The following MACROD2 variants were observed in gnomAD, a reference collection of about 807,000 sequenced individuals.
The protein encoded by MACROD2 is mono-ADP ribosylhydrolase 2, also known as ADP-ribose glycohydrolase MACROD2.
A neutral mutation model predicts 70.4 loss-of-function variants in MACROD2; 36 were observed. The observed-to-expected ratio is 0.51, with a 90% CI of 0.39 to 0.68. MACROD2 has a LOEUF of 0.68. Ranked by LOEUF, MACROD2 falls within the 30% of genes least tolerant of loss-of-function variation. The probability of loss-of-function intolerance (pLI) is 0.00; values close to 1 mark genes in which losing one functional copy is unlikely to be tolerated. For missense variants in MACROD2, 496 were observed against 538.4 expected (o/e 0.92, Z 0.78); for synonymous variants, 172 against 178.8 (o/e 0.96, Z 0.30).
At chr20:14,241,470 A>G (rs770456208) in intron 3 of MACROD2, among the ~76,000 whole-genome samples, 36 of 152,288 alleles carry the variant, frequency 2.4e-4, no homozygotes, top group Non-Finnish European at 4.1e-4. Flanking sequence ...ATAGGCACAT[A>G]ACAGACATGG....
intron 4 of MACROD2, among the ~76,000 whole-genome samples, chr20:14,541,297 G>T (rs1195547019): frequency 6.6e-6 from 1 of 151,974 alleles, no homozygotes; most frequent in African/African-American, 2.4e-5. Flanking sequence ...ATTTGGTCTG[G>T]CAAGTTCTGT....
At chr20:14,825,357 A>G (rs1743114353) in intron 5 of MACROD2, among the ~76,000 whole-genome samples, 1 of 152,118 alleles carries the variant, frequency 6.6e-6, no homozygotes, top group African/African-American at 2.4e-5. Flanking sequence ...AAACCTGACC[A>G]GTGACAACAG....
At chr20:14,991,445 C>T (rs2074903132) in intron 5 of MACROD2, among the ~76,000 whole-genome samples, 1 of 152,068 alleles carries the variant, frequency 6.6e-6, no homozygotes, top group South Asian at 2.1e-4. Flanking sequence ...ATCCTTAGCC[C>T]TTCATTTTCA....
At chr20:15,400,956 G>T (rs1039426255) in intron 6 of MACROD2, among the ~76,000 whole-genome samples, 1 of 152,096 alleles carries the variant, frequency 6.6e-6, no homozygotes, top group African/African-American at 2.4e-5. Flanking sequence ...ATCTACTTGT[G>T]TCCCCTTTGT....
chr20:15,850,276 G>A (rs1309206471), intron 8 of MACROD2, among the ~76,000 whole-genome samples: 1 of 152,146 alleles, frequency 6.6e-6, no homozygotes, highest in Non-Finnish European at 1.5e-5. Context: ...CCCCAAGGGT[G>A]ATCGAACAGG....
intron 3 of MACROD2, among the ~76,000 whole-genome samples, chr20:14,420,871 TG>T (rs2083868540): frequency 6.6e-6 from 1 of 152,122 alleles, no homozygotes; most frequent in African/African-American, 2.4e-5. Context: ...TTTAATTTTT[TG>T]TGTAGAGGTG....
intron 5 of MACROD2, among the ~76,000 whole-genome samples, chr20:14,819,836 T>C (rs1303348803): frequency 2.0e-5 from 3 of 151,800 alleles, no homozygotes; most frequent in Admixed American, 2.0e-4. Flanking sequence ...GGACATTGAG[T>C]TCAGGAGGGA....
chr20:15,848,571 A>G (rs780615160), intron 8 of MACROD2, among the ~76,000 whole-genome samples: 3 of 152,246 alleles, frequency 2.0e-5, no homozygotes, highest in South Asian at 2.1e-4. Flanking sequence ...GAATATTTGC[A>G]TATAAACATT....
At chr20:15,105,992 C>T (rs983440984) in intron 5 of MACROD2, among the ~76,000 whole-genome samples, 2 of 152,104 alleles carry the variant, frequency 1.3e-5, no homozygotes, top group African/African-American at 4.8e-5. Flanking sequence ...ATGCATAACA[C>T]ATAACATGAG....
At chr20:15,869,472 TA>T (rs2064550274) in intron 9 of MACROD2, among the ~76,000 whole-genome samples, 1 of 151,738 alleles carries the variant, frequency 6.6e-6, no homozygotes, top group Admixed American at 6.6e-5. Flanking sequence ...ACATAAATAG[TA>T]AAATAATGAG....
intron 3 of MACROD2, among the ~76,000 whole-genome samples, chr20:14,131,852 C>T (rs2054722348): frequency 6.6e-6 from 1 of 152,072 alleles, no homozygotes; most frequent in East Asian, 1.9e-4. Context: ...AGATTCTCGG[C>T]CGCGCGCGGT....
intron 3 of MACROD2, among the ~76,000 whole-genome samples, chr20:14,168,273 C>T (rs1444987231): frequency 6.6e-6 from 1 of 152,074 alleles, no homozygotes; most frequent in Non-Finnish European, 1.5e-5. Context: ...AATAAATGAA[C>T]CACCATAGAG....
chr20:15,362,299 C>T (rs1244841360), intron 6 of MACROD2, among the ~76,000 whole-genome samples: 1 of 152,004 alleles, frequency 6.6e-6, no homozygotes, highest in Non-Finnish European at 1.5e-5. Context: ...CAGCCTATTT[C>T]TTCCTTATTG....
intron 5 of MACROD2, among the ~76,000 whole-genome samples, chr20:15,052,690 G>A (rs1314422694): frequency 3.9e-5 from 6 of 152,064 alleles, no homozygotes; most frequent in South Asian, 2.1e-4. Context: ...TATTGAAACC[G>A]AGCCAGTTAA....
chr20:15,980,086 C>A (rs1279062603), intron 13 of MACROD2, among the ~76,000 whole-genome samples: 1 of 152,190 alleles, frequency 6.6e-6, no homozygotes, highest in Non-Finnish European at 1.5e-5. Flanking sequence ...GGGCTGCATG[C>A]ACCGGTGGTC....
At chr20:14,570,701 C>T (rs1187288612) in intron 4 of MACROD2, among the ~76,000 whole-genome samples, 2 of 151,914 alleles carry the variant, frequency 1.3e-5, no homozygotes, top group Admixed American at 1.3e-4. Context: ...TTCAAACTTT[C>T]CTGATCCTTA....
At chr20:14,560,344 C>T (rs914875511) in intron 4 of MACROD2, among the ~76,000 whole-genome samples, 1 of 147,136 alleles carries the variant, frequency 6.8e-6, no homozygotes, top group Non-Finnish European at 1.5e-5. Context: ...CACACAGGTG[C>T]ACGCATGTGT....
At chr20:14,028,613 C>T (rs1166645057) in intron 2 of MACROD2, among the ~76,000 whole-genome samples, 1 of 152,136 alleles carries the variant, frequency 6.6e-6, no homozygotes, top group East Asian at 1.9e-4. Context: ...AGCGTAGTAT[C>T]CAGGCTGGAA....
At chr20:14,524,286 T>G (rs972078575) in intron 4 of MACROD2, among the ~76,000 whole-genome samples, 1 of 152,212 alleles carries the variant, frequency 6.6e-6, no homozygotes, top group Admixed American at 6.5e-5. Flanking sequence ...GTCTTTCACC[T>G]TAAGGATTCA....
Sources: gnomAD v4.1 joint callset for allele counts (sites outside exome capture counted in the v4.1 genomes callset) on GRCh38, gnomAD v4.1.1 for gene constraint, MANE v1.5 for transcripts, NCBI Gene and HGNC (gene_info 2026-07-23, HGNC 2026-07-21) for gene names.